The following PTPRD variants were observed in gnomAD, a reference collection of about 807,000 sequenced individuals.
PTPRD encodes the protein protein tyrosine phosphatase receptor type D, also known as receptor-type tyrosine-protein phosphatase delta.
In PTPRD, 34 loss-of-function variants were observed where a neutral mutation model predicts 214.5. That is an observed-to-expected ratio of 0.16 (90% CI 0.12 to 0.21). The LOEUF (loss-of-function observed/expected upper bound fraction) is 0.21, where lower values mean the gene tolerates loss of function less well. Ranked by LOEUF, PTPRD falls within the 10% of genes least tolerant of loss-of-function variation. PTPRD has a pLI of 1.00. For missense variants in PTPRD, 2,545 were observed against 2,398.7 expected (o/e 1.06, Z -1.27); for synonymous variants, 1,128 against 845.7 (o/e 1.33, Z -5.79).
chr9:10,283,698 C>T (rs376069708), intron 3 of PTPRD, among the ~76,000 whole-genome samples: 1 of 152,166 alleles, frequency 6.6e-6, no homozygotes, highest in Non-Finnish European at 1.5e-5. Flanking sequence ...ATTTACAGTT[C>T]ATCATCAAGA....
intron 3 of PTPRD, among the ~76,000 whole-genome samples, chr9:10,318,999 C>G (rs1337731877): frequency 1.3e-5 from 2 of 152,008 alleles, no homozygotes; most frequent in African/African-American, 4.8e-5. Context: ...TGCTGCTTTT[C>G]CCTCTCCTTC....
At chr9:10,587,399 A>G (rs2074205497) in intron 2 of PTPRD, among the ~76,000 whole-genome samples, 1 of 152,170 alleles carries the variant, frequency 6.6e-6, no homozygotes, top group South Asian at 2.1e-4. Flanking sequence ...ATGAGTATCT[A>G]TGGCATATAT....
At chr9:8,542,533 G>C (rs1394297629) in intron 14 of PTPRD, among the ~76,000 whole-genome samples, 2 of 152,196 alleles carry the variant, frequency 1.3e-5, no homozygotes, top group Admixed American at 6.5e-5. Flanking sequence ...ATGATTGTTT[G>C]CATATGTTTT....
At chr9:10,035,079 A>C (rs2154135659) in intron 3 of PTPRD, among the ~76,000 whole-genome samples, 1 of 152,284 alleles carries the variant, frequency 6.6e-6, no homozygotes, top group Middle Eastern at 3.4e-3. Context: ...AACAGTGTAT[A>C]AGCATTCCTT....
Position 9,601,349 on chromosome 9 carries a change from G to C in PTPRD, c.-286-26568C>G, listed in dbSNP as rs555127756. Among the ~76,000 whole-genome samples, 18 of 152,190 alleles carry C rather than the reference G, an allele frequency of 1.2e-4. 1 individual carries two copies. The highest frequency in any genetic ancestry group is 4.3e-4 in the African/African-American group (18 of 41,552). The stretch of plus-strand genomic sequence containing the variant: ...GATAGTTGCTAATTTTCCAGGAACA[G>C]TGACCTTCACATCTGTACTCTGTAG... On this transcript the variant is annotated intron_variant, in intron 7 of 45. Transcript: ENST00000381196.
intron 2 of PTPRD, among the ~76,000 whole-genome samples, chr9:10,415,642 T>G (rs767353296): frequency 6.6e-6 from 1 of 151,876 alleles, no homozygotes; most frequent in Non-Finnish European, 1.5e-5. Context: ...GTGGTTTTGA[T>G]AGAGAGACGT....
chr9:8,978,241 G>C (rs926843004), intron 11 of PTPRD, among the ~76,000 whole-genome samples: 2 of 152,072 alleles, frequency 1.3e-5, no homozygotes, highest in African/African-American at 4.8e-5. Context: ...TCAAAGGGTA[G>C]CAAGGCCTCA....
At chr9:10,535,031 A>T (rs989900736) in intron 2 of PTPRD, among the ~76,000 whole-genome samples, 1 of 152,188 alleles carries the variant, frequency 6.6e-6, no homozygotes, top group African/African-American at 2.4e-5. Flanking sequence ...GCTGCTATAA[A>T]CAAAGAGTTG....
intron 10 of PTPRD, among the ~76,000 whole-genome samples, chr9:9,175,135 A>T (rs2099923854): frequency 2.0e-5 from 3 of 152,160 alleles, no homozygotes; most frequent in Non-Finnish European, 4.4e-5. Context: ...TATAAAAAAT[A>T]AATTGCTGTT....
chr9:10,329,637 A>G (rs1263439592), intron 3 of PTPRD, among the ~76,000 whole-genome samples: 1 of 151,878 alleles, frequency 6.6e-6, no homozygotes, highest in Non-Finnish European at 1.5e-5. Context: ...CTGTTTTTAA[A>G]AAGATACAAG....
intron 7 of PTPRD, among the ~76,000 whole-genome samples, chr9:9,732,907 G>T (rs1403990713): frequency 1.1e-5 from 1 of 94,784 alleles, no homozygotes; most frequent in Non-Finnish European, 2.0e-5. Flanking sequence ...GTGAAACCTT[G>T]TTTCCAAAAA....
At chr9:10,542,243 C>T (rs1319923675) in intron 2 of PTPRD, among the ~76,000 whole-genome samples, 1 of 152,142 alleles carries the variant, frequency 6.6e-6, no homozygotes, top group Non-Finnish European at 1.5e-5. Context: ...AATTCTGCAT[C>T]AGCTCATACT....
chr9:9,559,678 G>A (rs530416895), intron 8 of PTPRD, among the ~76,000 whole-genome samples: 42 of 152,300 alleles, frequency 2.8e-4, no homozygotes, highest in Admixed American at 4.6e-4. Context: ...GCAACACTGC[G>A]AAAGTCCACT....
intron 39 of PTPRD, among the ~76,000 whole-genome samples, chr9:8,343,711 C>T (rs550799236): frequency 1.3e-5 from 2 of 152,106 alleles, no homozygotes; most frequent in South Asian, 4.1e-4. Context: ...CCATAAACAA[C>T]AGCATACATC....
At chr9:10,537,873 T>C (rs2058205305) in intron 2 of PTPRD, among the ~76,000 whole-genome samples, 1 of 152,118 alleles carries the variant, frequency 6.6e-6, no homozygotes, top group South Asian at 2.1e-4. Flanking sequence ...AGCACCCTTA[T>C]AGTGTAACCA....
chr9:9,835,995 T>A (rs537846194), intron 5 of PTPRD, among the ~76,000 whole-genome samples: 1 of 152,280 alleles, frequency 6.6e-6, no homozygotes, highest in African/African-American at 2.4e-5. Context: ...TTTGAAAGAC[T>A]ATAAAAAGAG....
intron 5 of PTPRD, among the ~76,000 whole-genome samples, chr9:9,819,385 G>A (rs769209428): frequency 6.7e-4 from 102 of 152,304 alleles, no homozygotes; most frequent in Non-Finnish European, 1.1e-3. Flanking sequence ...AATAAGAATT[G>A]CACTTTGCAG....
At chr9:10,414,148 T>C (rs1405609522) in intron 2 of PTPRD, among the ~76,000 whole-genome samples, 2 of 151,874 alleles carry the variant, frequency 1.3e-5, no homozygotes, top group Non-Finnish European at 2.9e-5. Context: ...CGAAAGCAAC[T>C]ATCAGCAGAG....
chr9:10,448,476 C>G (rs1292652787), intron 2 of PTPRD, among the ~76,000 whole-genome samples: 1 of 151,816 alleles, frequency 6.6e-6, no homozygotes, highest in Non-Finnish European at 1.5e-5. Context: ...AAGTATAATA[C>G]TTAGTGAAAG....
Sources: allele counts gnomAD v4.1 joint callset (sites outside exome capture counted in the v4.1 genomes callset), GRCh38; gene constraint gnomAD v4.1.1; transcripts MANE v1.5; gene names NCBI Gene and HGNC (gene_info 2026-07-23, HGNC 2026-07-21).